The following IMMP2L variants were observed in gnomAD, a reference collection of about 807,000 sequenced individuals.
IMMP2L encodes inner mitochondrial membrane peptidase subunit 2.
A neutral mutation model predicts 19.3 loss-of-function variants in IMMP2L; 18 were observed. The observed-to-expected ratio is 0.93, with a 90% confidence interval of 0.64 to 1.38. IMMP2L has a LOEUF of 1.38. Ranked by LOEUF, IMMP2L falls within the 40% of genes most tolerant of loss-of-function variation. The pLI is 0.00. For synonymous variants in IMMP2L, 76 were observed against 73.0 expected (o/e 1.04, Z -0.21); for missense variants, 233 against 218.2 (o/e 1.07, Z -0.43).
At chr7:111,102,041 A>G (rs1798033634) in intron 3 of IMMP2L, among the ~76,000 whole-genome samples, 1 of 151,382 alleles carries the variant, frequency 6.6e-6, no homozygotes, top group African/African-American at 2.4e-5. Context: ...ACTGCCGCCA[A>G]TATGATTAAT....
chr7:110,766,581 TAAAAAAAAAA>T (rs772192515), intron 5 of IMMP2L, among the ~76,000 whole-genome samples: 1 of 96,796 alleles, frequency 1.0e-5, no homozygotes, highest in Admixed American at 1.2e-4. Flanking sequence ...AGACTTCATT[TAAAAAAAAAA>T]AAAAAAAAAA....
chr7:111,304,368 TAAGGTGGAGA>T (rs750794475), intron 3 of IMMP2L, among the ~76,000 whole-genome samples: 7 of 151,258 alleles, frequency 4.6e-5, no homozygotes, highest in Non-Finnish European at 1.0e-4. Context: ...TGAATGGAGG[TAAGGTGGAGA>T]AAGGGGACAA....
At chr7:111,301,097 C>T (rs1171096463) in intron 3 of IMMP2L, among the ~76,000 whole-genome samples, 1 of 152,074 alleles carries the variant, frequency 6.6e-6, no homozygotes, top group Non-Finnish European at 1.5e-5. Flanking sequence ...CTCACATCCT[C>T]ACCAGCACTT....
At chr7:110,917,450 T>C (rs1034344166) in intron 4 of IMMP2L, among the ~76,000 whole-genome samples, 6 of 152,224 alleles carry the variant, frequency 3.9e-5, no homozygotes, top group African/African-American at 1.4e-4. Context: ...AAAATAGTGA[T>C]ACGTTTCTTA....
chr7:111,119,432 G>C (rs1479929762), intron 3 of IMMP2L, among the ~76,000 whole-genome samples: 1 of 152,086 alleles, frequency 6.6e-6, no homozygotes, highest in Non-Finnish European at 1.5e-5. Context: ...CCCAGTAATT[G>C]GCATGTAGAA....
chr7:111,218,633 T>G (rs1812211567), intron 3 of IMMP2L, among the ~76,000 whole-genome samples: 1 of 152,052 alleles, frequency 6.6e-6, no homozygotes, highest in Non-Finnish European at 1.5e-5. Flanking sequence ...AGTCTCGAGA[T>G]GGGAGAACTC....
intron 5 of IMMP2L, among the ~76,000 whole-genome samples, chr7:110,816,790 C>A (rs2131305579): frequency 1.3e-5 from 2 of 151,390 alleles, no homozygotes; most frequent in Non-Finnish European, 2.9e-5. Context: ...GATTGCAACC[C>A]CTGCCTTTTT....
At chr7:111,104,686 T>C (rs963680131) in intron 3 of IMMP2L, among the ~76,000 whole-genome samples, 9 of 151,738 alleles carry the variant, frequency 5.9e-5, no homozygotes, top group African/African-American at 1.9e-4. Flanking sequence ...GGAAAATTAA[T>C]AGCAGGGATG....
chr7:110,858,054 T>G (rs1806990059), intron 5 of IMMP2L, among the ~76,000 whole-genome samples: 1 of 152,118 alleles, frequency 6.6e-6, no homozygotes, highest in Non-Finnish European at 1.5e-5. Flanking sequence ...CGTCTCACAG[T>G]AAGCAAATTT....
intron 3 of IMMP2L, among the ~76,000 whole-genome samples, chr7:111,070,154 T>C (rs1041896737): frequency 6.6e-6 from 1 of 152,030 alleles, no homozygotes; most frequent in Non-Finnish European, 1.5e-5. Flanking sequence ...ATGTAAAGCG[T>C]AAAGTATAAA....
chr7:111,344,328 G>A (rs1827322155), intron 3 of IMMP2L, among the ~76,000 whole-genome samples: 1 of 152,054 alleles, frequency 6.6e-6, no homozygotes, highest in South Asian at 2.1e-4. Flanking sequence ...TGTTCATTCT[G>A]GCTAGCACAT....
At chr7:111,249,892 G>A (rs775154777) in intron 3 of IMMP2L, among the ~76,000 whole-genome samples, 1 of 152,106 alleles carries the variant, frequency 6.6e-6, no homozygotes, top group Non-Finnish European at 1.5e-5. Flanking sequence ...CACAGTATTG[G>A]AAGTTCTGGC....
intron 3 of IMMP2L, among the ~76,000 whole-genome samples, chr7:111,099,196 A>T (rs1405583807): frequency 6.6e-6 from 1 of 151,746 alleles, no homozygotes; most frequent in African/African-American, 2.4e-5. Flanking sequence ...ACACAAAAGA[A>T]AAATGCAAAA....
chr7:111,057,417 CA>C (rs57175268), intron 3 of IMMP2L, among the ~76,000 whole-genome samples: 120,786 of 149,148 alleles, frequency 0.81, 50,385 homozygotes, highest in East Asian at 0.93. Flanking sequence ...AGTCTAACAC[CA>C]AAAAAAAAAA....
chr7:111,228,967 G>A (rs1462690987), intron 3 of IMMP2L, among the ~76,000 whole-genome samples: 1 of 8,048 alleles, frequency 1.2e-4, no homozygotes, highest in Non-Finnish European at 3.0e-4. Flanking sequence ...CTAGCAATGC[G>A]TGTGTGTGTG....
At chr7:111,407,757 A>G (rs879482207) in intron 3 of IMMP2L, among the ~76,000 whole-genome samples, 1 of 152,112 alleles carries the variant, frequency 6.6e-6, no homozygotes, top group Non-Finnish European at 1.5e-5. Context: ...TACATTCACT[A>G]TATCATCAAT....
intron 3 of IMMP2L, among the ~76,000 whole-genome samples, chr7:111,151,331 C>T (rs1298892880): frequency 6.6e-6 from 1 of 152,098 alleles, no homozygotes; most frequent in Non-Finnish European, 1.5e-5. Context: ...AAATATAGGG[C>T]ACAGAGAAAC....
At chr7:110,774,782 G>A (rs1799267121) in intron 5 of IMMP2L, among the ~76,000 whole-genome samples, 1 of 151,944 alleles carries the variant, frequency 6.6e-6, no homozygotes, top group Non-Finnish European at 1.5e-5. Flanking sequence ...CTAGGTTTGT[G>A]TACATGTGCT....
At chr7:111,266,360 T>A (rs931447150) in intron 3 of IMMP2L, among the ~76,000 whole-genome samples, 4 of 151,952 alleles carry the variant, frequency 2.6e-5, no homozygotes, top group African/African-American at 9.6e-5. Flanking sequence ...CTGGCCAACA[T>A]GGTGAAACCC....
Sources: allele counts gnomAD v4.1 joint callset (sites outside exome capture counted in the v4.1 genomes callset), GRCh38; gene constraint gnomAD v4.1.1; transcripts MANE v1.5; gene names NCBI Gene and HGNC (gene_info 2026-07-23, HGNC 2026-07-21).